SETBP1: variants seen among roughly 807,000 people sequenced by gnomAD.
The protein encoded by SETBP1 is SET binding protein 1, also known as SET-binding protein.
A neutral mutation model predicts 101.0 loss-of-function variants in SETBP1; 9 were observed. That is an observed-to-expected ratio of 0.09 (90% CI 0.05 to 0.16). SETBP1 has a LOEUF of 0.16. Ranked by LOEUF, SETBP1 falls within the 10% of genes least tolerant of loss-of-function variation. The pLI, the probability that SETBP1 is intolerant of heterozygous loss-of-function variation, is 1.00. For synonymous variants in SETBP1, 818 were observed against 788.5 expected, an observed-to-expected ratio of 1.04 and a Z score of -0.63; for missense variants, 1,858 against 2,033.8, an observed-to-expected ratio of 0.91 and a Z score of 1.66.
In SETBP1 at chr18:44,687,088, G is replaced by C. The variant is rs2068852495; in HGVS notation, c.-173+6067G>C. Among the ~76,000 whole-genome samples, 4 of 152,300 alleles carry C rather than the reference G, an allele frequency of 2.6e-5. No homozygotes were observed. The South Asian group carries it at 8.3e-4, about 32-fold the overall frequency. On this transcript the variant is annotated intron_variant, in intron 1 of 5. Coordinates refer to ENST00000649279, the MANE Select transcript of SETBP1 (RefSeq NM_015559.3). ...CGCTCTTCAGTGATGGAGTGAGCCT[G>C]GCCACAGTGGAAAACAGAGAAGGCT...
intron 2 of SETBP1, among the ~76,000 whole-genome samples, chr18:44,820,920 G>A (rs1203878225): frequency 2.6e-5 from 4 of 152,220 alleles, no homozygotes; most frequent in Admixed American, 1.3e-4. Flanking sequence ...TGATAGAAAT[G>A]TATACTTGGT....
At chr18:44,728,394 GAA>G (rs769998449) in intron 2 of SETBP1, among the ~76,000 whole-genome samples, 4 of 152,150 alleles carry the variant, frequency 2.6e-5, no homozygotes, top group Non-Finnish European at 4.4e-5. Flanking sequence ...CGGGTCTCGG[GAA>G]AAAGTCACTG....
chr18:44,858,682 C>T (rs1264830791), intron 2 of SETBP1, among the ~76,000 whole-genome samples: 1 of 152,158 alleles, frequency 6.6e-6, no homozygotes, highest in Non-Finnish European at 1.5e-5. Context: ...GGCCCTGCAT[C>T]CTGCTGTCCA....
At chr18:44,750,034 A>G (rs1450251477) in intron 2 of SETBP1, among the ~76,000 whole-genome samples, 3 of 152,240 alleles carry the variant, frequency 2.0e-5, no homozygotes. Flanking sequence ...GAAAGATTTC[A>G]AGTGGGAAGG....
chr18:44,712,261 G>T (rs2069364285), intron 2 of SETBP1, among the ~76,000 whole-genome samples: 1 of 152,136 alleles, frequency 6.6e-6, no homozygotes, highest in African/African-American at 2.4e-5. Flanking sequence ...GTTGGGGGTG[G>T]GTAGGAAATT....
At position 45,047,851 on chromosome 18, in the gene SETBP1, C is replaced by CAG. The variant is rs151021347; in HGVS notation, c.4171+9214_4171+9215dup. 1.6e-3 allele frequency among the ~76,000 whole-genome samples: 244 copies of CAG among 149,852 alleles called. 3 individuals are homozygous for CAG. In the East Asian group the frequency reaches 0.032, roughly 20 times the overall value. The stretch of plus-strand genomic sequence containing the variant: ...GATTGTGAGACAGGTGTGACAAAGA[C>CAG]AGAGAGAGAGAGAGAGAGATCACTC... On this transcript the variant is annotated intron_variant, in intron 5 of 5. Transcript: ENST00000649279.
chr18:44,957,117 CT>C (rs1189669329), intron 4 of SETBP1, among the ~76,000 whole-genome samples: 7 of 152,116 alleles, frequency 4.6e-5, no homozygotes, highest in African/African-American at 1.7e-4. Flanking sequence ...CTATTTGGGC[CT>C]GTCTGTCGGC....
intron 4 of SETBP1, among the ~76,000 whole-genome samples, chr18:44,975,362 A>G (rs534212268): frequency 6.6e-6 from 1 of 152,336 alleles, no homozygotes; most frequent in South Asian, 2.1e-4. Context: ...CAGTCTTGTC[A>G]ATTAATTGCC....
intron 5 of SETBP1, 74 bp downstream of exon 5, chr18:45,038,729 G>T: frequency 6.6e-7 from 1 of 1,503,864 alleles, no homozygotes; most frequent in South Asian, 1.1e-5. Context: ...AGAATGGCCT[G>T]TTGAATACAG....
Position 44,700,980 on chromosome 18 carries a change from G to A in SETBP1, c.-172-195G>A, listed in dbSNP as rs73952917. 0.017 allele frequency among the ~76,000 whole-genome samples: 2,611 copies of A among 152,302 alleles called. 59 individuals are homozygous for A. The highest frequency in any genetic ancestry group is 0.059 in the African/African-American group (2,468 of 41,536). On this transcript the variant is annotated intron_variant, in intron 1 of 5. Coordinates refer to ENST00000649279, the MANE Select transcript of SETBP1 (RefSeq NM_015559.3). Reference sequence around the variant, plus strand: ...ATTAATAGCAATCCATTATGAAGGCGTGTGTGAATGTGTTTTTCCCTCTGC... The same window carrying A: ...ATTAATAGCAATCCATTATGAAGGCATGTGTGAATGTGTTTTTCCCTCTGC...
At chr18:44,905,381 A>T (rs2070149791) in intron 3 of SETBP1, among the ~76,000 whole-genome samples, 1 of 152,022 alleles carries the variant, frequency 6.6e-6, no homozygotes, top group African/African-American at 2.4e-5. Context: ...TTGAATGGTG[A>T]CTCCCATAGA....
chr18:44,776,883 T>C (rs2071014857), intron 2 of SETBP1, among the ~76,000 whole-genome samples: 2 of 152,210 alleles, frequency 1.3e-5, no homozygotes, highest in African/African-American at 2.4e-5. Context: ...ATTCTGCTCC[T>C]ACTTTGTCGC....
At chr18:44,910,565 T>C (rs1372336914) in intron 3 of SETBP1, among the ~76,000 whole-genome samples, 1 of 152,182 alleles carries the variant, frequency 6.6e-6, no homozygotes, top group Non-Finnish European at 1.5e-5. Flanking sequence ...ATGTCAGTGA[T>C]ACGGGCCAGT....
intron 2 of SETBP1, among the ~76,000 whole-genome samples, chr18:44,728,973 G>A (rs1210004510): frequency 6.6e-6 from 1 of 152,218 alleles, no homozygotes; most frequent in Non-Finnish European, 1.5e-5. Flanking sequence ...GCCAGATAGA[G>A]TTCTAAGCCC....
chr18:44,843,202 G>T (rs1420449881), intron 2 of SETBP1, among the ~76,000 whole-genome samples: 3 of 152,240 alleles, frequency 2.0e-5, no homozygotes, highest in African/African-American at 7.2e-5. Flanking sequence ...GAGGGGCATG[G>T]CACCTCTGGC....
chr18:44,887,560 A>G (rs1325732327), intron 3 of SETBP1, among the ~76,000 whole-genome samples: 1 of 152,176 alleles, frequency 6.6e-6, no homozygotes, highest in Non-Finnish European at 1.5e-5. Context: ...TAATGAGATG[A>G]CAAAACAGAG....
At chr18:44,999,505 GA>G (rs1334960554) in intron 4 of SETBP1, among the ~76,000 whole-genome samples, 1 of 152,158 alleles carries the variant, frequency 6.6e-6, no homozygotes, top group Non-Finnish European at 1.5e-5. Flanking sequence ...GATACCTGAA[GA>G]AAAAACTCTG....
chr18:44,977,646 G>C (rs1214354245), intron 4 of SETBP1, among the ~76,000 whole-genome samples: 1 of 152,150 alleles, frequency 6.6e-6, no homozygotes, highest in Non-Finnish European at 1.5e-5. Flanking sequence ...ATGTTTCCTT[G>C]GTAGAAGTTA....
chr18:44,979,643 T>G (rs888189411), intron 4 of SETBP1, among the ~76,000 whole-genome samples: 1 of 152,184 alleles, frequency 6.6e-6, no homozygotes, highest in Non-Finnish European at 1.5e-5. Flanking sequence ...TTTAAGAATT[T>G]GAGAAGAAAG....
Sources: allele counts gnomAD v4.1 joint callset (sites outside exome capture counted in the v4.1 genomes callset), GRCh38; gene constraint gnomAD v4.1.1; transcripts MANE v1.5; gene names NCBI Gene and HGNC (gene_info 2026-07-23, HGNC 2026-07-21).